PCBD2: variants seen among roughly 807,000 people sequenced by gnomAD.
The protein encoded by PCBD2 is pterin-4 alpha-carbinolamine dehydratase 2, also known as pterin-4-alpha-carbinolamine dehydratase 2.
Under a neutral mutation model 16.4 loss-of-function variants are expected in PCBD2, and 12 were observed. That is an observed-to-expected ratio of 0.73 (90% CI 0.47 to 1.19). The LOEUF (loss-of-function observed/expected upper bound fraction) is 1.19, where lower values mean the gene tolerates loss of function less well. Among genes scored for constraint, PCBD2 ranks in the 50% most tolerant of loss-of-function variants. The pLI is 0.00. For missense variants in PCBD2, 138 were observed against 156.8 expected, an observed-to-expected ratio of 0.88 and a Z score of 0.64; for synonymous variants, 58 against 61.8, an observed-to-expected ratio of 0.94 and a Z score of 0.29.
At chr5:134,926,513 C>T (rs1750999402) in intron 2 of PCBD2, 3 of 394,708 alleles carry the variant, frequency 7.6e-6, no homozygotes, top group Admixed American at 4.4e-5. Flanking sequence ...CAACGGATGG[C>T]TGTTATCCTT....
intron 2 of PCBD2, among the ~76,000 whole-genome samples, chr5:134,911,051 G>A (rs1397882747): frequency 6.6e-6 from 1 of 152,200 alleles, no homozygotes; most frequent in Non-Finnish European, 1.5e-5. Context: ...GCCTCCCAAT[G>A]TGCTGGGAAT....
At position 134,937,622 on chromosome 5, in the gene PCBD2, G is replaced by A. The variant is rs571801538; in HGVS notation, c.217-21418G>A. Among the ~76,000 whole-genome samples, 62 of 152,348 alleles carry A rather than the reference G, an allele frequency of 4.1e-4. No homozygotes were observed. The South Asian group carries it at 0.012, about 29-fold the overall frequency. On this transcript the variant is annotated intron_variant, in intron 2 of 3. Coordinates refer to ENST00000254908, the MANE Select transcript of PCBD2 (RefSeq NM_032151.5). ...GGCTCTAATGCACACTGTTTTACAC[G>A]TTAACGGTTTTGAAGTTCCAGGCCA...
At chr5:134,941,576 T>C (rs1175577611) in intron 2 of PCBD2, among the ~76,000 whole-genome samples, 4 of 152,154 alleles carry the variant, frequency 2.6e-5, no homozygotes, top group Admixed American at 2.0e-4. Context: ...AACCATAAAA[T>C]GGTTTCTAAA....
chr5:134,952,221 A>T (rs1164519511), intron 2 of PCBD2, among the ~76,000 whole-genome samples: 1 of 150,746 alleles, frequency 6.6e-6, no homozygotes, highest in East Asian at 1.9e-4. Flanking sequence ...ATAAAGAATG[A>T]TGCTAAGAAA....
chr5:134,955,898 A>C (rs574384936), intron 2 of PCBD2, among the ~76,000 whole-genome samples: 2 of 152,348 alleles, frequency 1.3e-5, no homozygotes, highest in South Asian at 2.1e-4. Flanking sequence ...CTGCTAAGTC[A>C]GCTGTTTGGC....
chr5:134,916,769 T>C (rs547790093), intron 2 of PCBD2, among the ~76,000 whole-genome samples: 1 of 152,352 alleles, frequency 6.6e-6, no homozygotes, highest in East Asian at 1.9e-4. Context: ...GTGGATGAAG[T>C]AGCCATAGGT....
At chr5:134,940,429 AT>A (rs1751211949) in intron 2 of PCBD2, among the ~76,000 whole-genome samples, 1 of 150,310 alleles carries the variant, frequency 6.7e-6, no homozygotes, top group Non-Finnish European at 1.5e-5. Context: ...GGTGCAGCAT[AT>A]ATATTTTTTT....
intron 2 of PCBD2, among the ~76,000 whole-genome samples, chr5:134,935,811 G>T (rs894125547): frequency 6.6e-5 from 10 of 152,218 alleles, no homozygotes; most frequent in Non-Finnish European, 1.3e-4. Context: ...TCTTGCTCCT[G>T]AATGAGACAG....
At position 134,961,886 on chromosome 5, in the gene PCBD2, A is replaced by T. The variant is rs927876920; in HGVS notation, c.*1205A>T. ...AAGCAGTTCTCCCTCCTCAGCCTCC[A>T]GAGTAGCTGGGACTATAGGCAAGTG... On this transcript the variant is annotated 3_prime_UTR_variant, in exon 4 of 4. Transcript: ENST00000254908. Among the ~76,000 whole-genome samples, 1 of 150,802 alleles carries T rather than the reference A, an allele frequency of 6.6e-6. No homozygotes were observed. The highest frequency in any genetic ancestry group is 1.5e-5 in the Non-Finnish European group (1 of 67,638).
chr5:134,947,683 G>A (rs1199791267), intron 2 of PCBD2, among the ~76,000 whole-genome samples: 4 of 151,812 alleles, frequency 2.6e-5, no homozygotes, highest in South Asian at 2.1e-4. Flanking sequence ...CACCGCGCTC[G>A]GCCCCCTGAC....
chr5:134,948,010 C>T (rs1751318228), intron 2 of PCBD2, among the ~76,000 whole-genome samples: 1 of 152,178 alleles, frequency 6.6e-6, no homozygotes, highest in East Asian at 1.9e-4. Context: ...CAATAATGAA[C>T]AGCCCCAGTG....
At position 134,936,430 on chromosome 5, in the gene PCBD2, A is replaced by G. The variant is rs80279995; in HGVS notation, c.217-22610A>G. 3.4e-3 allele frequency among the ~76,000 whole-genome samples: 516 copies of G among 152,368 alleles called. 8 individuals carry two copies. In the East Asian group the frequency reaches 0.037, roughly 11 times the overall value. On this transcript the variant is annotated intron_variant, in intron 2 of 3. Transcript: ENST00000254908. ...TCCTTGAGGAACGGGAGCTGTGACCAGGGCCAGAGCCCAGGAAGGTGCTGG... is the reference window on the plus strand; with the variant it reads ...TCCTTGAGGAACGGGAGCTGTGACCGGGGCCAGAGCCCAGGAAGGTGCTGG...
intron 2 of PCBD2, among the ~76,000 whole-genome samples, chr5:134,918,274 G>C (rs1750857475): frequency 1.3e-5 from 2 of 152,200 alleles, no homozygotes; most frequent in African/African-American, 4.8e-5. Context: ...GGAGGCCGAA[G>C]CAGGCGGGTC....
intron 2 of PCBD2, among the ~76,000 whole-genome samples, chr5:134,931,131 G>A (rs1751090057): frequency 6.6e-6 from 1 of 152,092 alleles, no homozygotes; most frequent in African/African-American, 2.4e-5. Context: ...TGTTAGCCAG[G>A]ATGGTCTCGA....
intron 3 of PCBD2, among the ~76,000 whole-genome samples, chr5:134,960,050 T>A (rs1751458276): frequency 6.6e-6 from 1 of 151,812 alleles, no homozygotes; most frequent in South Asian, 2.1e-4. Flanking sequence ...AGGGTAACTT[T>A]TATATTTTTA....
intron 2 of PCBD2, among the ~76,000 whole-genome samples, chr5:134,948,731 T>A (rs935042978): frequency 2.0e-5 from 3 of 152,150 alleles, no homozygotes; most frequent in African/African-American, 4.8e-5. Context: ...TTTTTTTTTT[T>A]TTTTAAAAGG....
rs1406048562 is a variant in PCBD2, at chr5:134,961,198, G to GTGTGTGTGT, written c.*517_*518insTGTGTGTGT. ...GCTTAAATACGCAATGATTTAAACT[G>GTGTGTGTGT]GAACCTGAGGTATTTTTCATGCTAT... On this transcript the variant is annotated 3_prime_UTR_variant, in exon 4 of 4. Coordinates refer to ENST00000254908, the MANE Select transcript of PCBD2 (RefSeq NM_032151.5). The GTGTGTGTGT allele has an allele frequency of 6.6e-6, 1 of 152,262 alleles. No individual in the cohort carries two copies. The highest frequency in any genetic ancestry group is 1.5e-5 in the Non-Finnish European group (1 of 68,170). The allele number at this position is 152,262 out of a possible 1,614,324, so 9.4% of individuals were successfully genotyped here.
At chr5:134,908,401 A>G (rs927200300) in intron 1 of PCBD2, among the ~76,000 whole-genome samples, 1 of 152,042 alleles carries the variant, frequency 6.6e-6, no homozygotes, top group Non-Finnish European at 1.5e-5. Context: ...ACAGTGGCTC[A>G]CGCCTGTAAT....
chr5:134,937,006 A>G (rs976030974), intron 2 of PCBD2, among the ~76,000 whole-genome samples: 1 of 152,228 alleles, frequency 6.6e-6, no homozygotes, highest in Non-Finnish European at 1.5e-5. Context: ...ATAGCACTAA[A>G]TAGGTATAAA....
Sources: allele counts gnomAD v4.1 joint callset (sites outside exome capture counted in the v4.1 genomes callset), GRCh38; gene constraint gnomAD v4.1.1; transcripts MANE v1.5; gene names NCBI Gene and HGNC (gene_info 2026-07-23, HGNC 2026-07-21).